The following NELL2 variants were observed in gnomAD, a reference collection of about 807,000 sequenced individuals.
NELL2 encodes the protein neural EGFL like 2, also known as protein kinase C-binding protein NELL2.
Under a neutral mutation model 109.6 loss-of-function variants are expected in NELL2, and 41 were observed. The ratio of observed to expected loss-of-function variants is 0.37; its 90% CI spans 0.29 to 0.49. The LOEUF (loss-of-function observed/expected upper bound fraction) is 0.49, where lower values mean the gene tolerates loss of function less well. NELL2 is among the 20% of genes least tolerant of loss of function. The pLI, the probability that NELL2 is intolerant of heterozygous loss-of-function variation, is 0.98. For synonymous variants in NELL2, 355 were observed against 344.7 expected (o/e 1.03, Z -0.33); for missense variants, 900 against 1,008.3 (o/e 0.89, Z 1.45).
At chr12:44,876,733 C>T, upstream of NELL2, 4 of 1,534,834 alleles carry the variant, frequency 2.6e-6, no homozygotes, top group Admixed American at 4.1e-5. Flanking sequence ...CATGTGCACT[C>T]GTGCACTGGG....
intron 18 of NELL2, among the ~76,000 whole-genome samples, chr12:44,521,529 C>CAAAAAAAAAAAAA (rs56713964): frequency 1.3e-4 from 14 of 111,364 alleles, no homozygotes; most frequent in African/African-American, 5.4e-4. Flanking sequence ...GACTCCGTCT[C>CAAAAAAAAAAAAA]AAAAAAAAAA....
chr12:44,511,167 G>A (rs758869002), intron 19 of NELL2, among the ~76,000 whole-genome samples: 21 of 152,112 alleles, frequency 1.4e-4, no homozygotes, highest in Admixed American at 3.9e-4. Context: ...TATTGGATAT[G>A]TTCTGCTATA....
chr12:44,796,599 A>C (rs556018183), intron 3 of NELL2, among the ~76,000 whole-genome samples: 2 of 152,290 alleles, frequency 1.3e-5, no homozygotes, highest in South Asian at 4.1e-4. Flanking sequence ...ACCCTCAGTA[A>C]TAAACACATT....
intron 15 of NELL2, among the ~76,000 whole-genome samples, chr12:44,561,238 T>C (rs1943457112): frequency 1.3e-5 from 2 of 151,964 alleles, no homozygotes; most frequent in South Asian, 2.1e-4. Flanking sequence ...GAATGGGAAA[T>C]GTTGGAAGTA....
intron 9 of NELL2, among the ~76,000 whole-genome samples, chr12:44,733,666 G>A (rs1028699291): frequency 6.6e-6 from 1 of 151,812 alleles, no homozygotes; most frequent in African/African-American, 2.4e-5. Flanking sequence ...TAACAATACT[G>A]TATTGTACAC....
intron 16 of NELL2, among the ~76,000 whole-genome samples, chr12:44,532,109 A>G (rs1183609929): frequency 2.6e-5 from 4 of 152,162 alleles, no homozygotes; most frequent in Non-Finnish European, 5.9e-5. Flanking sequence ...AACAATCACT[A>G]AACATCTCTT....
At chr12:44,520,396 A>C (rs1321647355) in intron 18 of NELL2, among the ~76,000 whole-genome samples, 167 bp from the exon 19 acceptor site, 1 of 152,230 alleles carries the variant, frequency 6.6e-6, no homozygotes, top group East Asian at 1.9e-4. Context: ...CTATTAACAC[A>C]AAAGCCCTAT....
At chr12:44,542,353 C>G (rs141092942) in intron 15 of NELL2, among the ~76,000 whole-genome samples, 8 of 148,424 alleles carry the variant, frequency 5.4e-5, no homozygotes, top group African/African-American at 2.0e-4. Context: ...CCCTGGGGAT[C>G]TACCCTCAGA....
In NELL2 at chr12:44,532,563, T is replaced by G. The variant is rs1269142717; in HGVS notation, c.1804+18A>C. On this transcript the variant is annotated intron_variant, in intron 16 of 19. Coordinates refer to ENST00000429094, the MANE Select transcript of NELL2 (RefSeq NM_001145108.2). The stretch of plus-strand genomic sequence containing the variant: ...TCAAGAGAAGTTCTTAAATTCTAGG[T>G]CTTCTCCTTGTACTGACCTTCACAC... 6.2e-7 allele frequency: 1 copy of G among 1,603,996 alleles called. No individual in the cohort carries two copies. The highest frequency in any genetic ancestry group is 8.5e-7 in the Non-Finnish European group (1 of 1,175,878).
intron 3 of NELL2, among the ~76,000 whole-genome samples, chr12:44,783,027 A>C (rs898930678): frequency 5.9e-5 from 9 of 151,922 alleles, no homozygotes; most frequent in African/African-American, 1.9e-4. Context: ...CATTTTAAAA[A>C]ATTTAAATCA....
chr12:44,790,020 G>T (rs1261648384), intron 3 of NELL2, among the ~76,000 whole-genome samples: 1 of 152,140 alleles, frequency 6.6e-6, no homozygotes, highest in Non-Finnish European at 1.5e-5. Flanking sequence ...TCTTGAGGAA[G>T]AAGATAATTC....
At chr12:44,570,666 A>AT (rs1288768797) in intron 15 of NELL2, among the ~76,000 whole-genome samples, 41 of 152,300 alleles carry the variant, frequency 2.7e-4, no homozygotes, top group Non-Finnish European at 5.9e-5. Context: ...TGGCTCAAAG[A>AT]CTTATATCCT....
rs149329315 is a variant in NELL2, at chr12:44,802,528, GA to G, written c.335+13457del. 9.4e-3 allele frequency among the ~76,000 whole-genome samples: 1,432 copies of G among 152,088 alleles called. 17 individuals carry two copies. Among genetic ancestry groups the G allele is most frequent in the African/African-American group, 0.032 (1,330 of 41,514 alleles). On this transcript the variant is annotated intron_variant, in intron 3 of 19. Coordinates refer to ENST00000429094, the MANE Select transcript of NELL2 (RefSeq NM_001145108.2). ...AATACTGTATATAAAGCTATCAAGA[GA>G]AAGGTAGAAAAGCCAGGCAAATCAT...
intron 1 of NELL2, among the ~76,000 whole-genome samples, chr12:44,899,938 C>G (rs545675895): frequency 1.3e-5 from 2 of 152,018 alleles, no homozygotes; most frequent in African/African-American, 4.8e-5. Context: ...AAGTGGAAAG[C>G]AAACAAAAGC....
At chr12:44,623,801 CGT>C (rs1946141752) in intron 13 of NELL2, among the ~76,000 whole-genome samples, 2 of 152,186 alleles carry the variant, frequency 1.3e-5, no homozygotes, top group South Asian at 4.1e-4. Context: ...TGAATAGAAA[CGT>C]GACCCGAAGA....
chr12:44,844,331 T>C (rs998071634), intron 2 of NELL2, among the ~76,000 whole-genome samples: 1 of 152,220 alleles, frequency 6.6e-6, no homozygotes, highest in Non-Finnish European at 1.5e-5. Flanking sequence ...TTGGGATATA[T>C]TTATACAATG....
At chr12:44,665,442 A>G in intron 13 of NELL2, 42 bp downstream of exon 13, 1 of 1,537,974 alleles carries the variant, frequency 6.5e-7, no homozygotes, top group Non-Finnish European at 8.8e-7. Flanking sequence ...AAGTAAACTT[A>G]AGACATAAAA....
At chr12:44,610,711 T>G in intron 14 of NELL2, 137 bp downstream of exon 14, 1 of 1,187,274 alleles carries the variant, frequency 8.4e-7, no homozygotes, top group Non-Finnish European at 1.2e-6. Context: ...GGAAAGACTA[T>G]GAGCCACACA....
chr12:44,614,067 ATGTCTC>A (rs1319425707), intron 13 of NELL2, among the ~76,000 whole-genome samples: 3 of 152,088 alleles, frequency 2.0e-5, no homozygotes, highest in Non-Finnish European at 4.4e-5. Flanking sequence ...TTCAAGGTTT[ATGTCTC>A]ATATATTGAA....
Sources: allele counts gnomAD v4.1 joint callset (sites outside exome capture counted in the v4.1 genomes callset), GRCh38; gene constraint gnomAD v4.1.1; transcripts MANE v1.5; gene names NCBI Gene and HGNC (gene_info 2026-07-23, HGNC 2026-07-21).